FIRRM: variants seen among roughly 807,000 people sequenced by gnomAD.
The protein encoded by FIRRM is FIGNL1-interacting regulator of recombination and mitosis.
At chr1:169,838,942 C>T in the FIRRM span, among the ~76,000 whole-genome samples, 4 of 152,150 alleles carry the variant, frequency 2.6e-5, no homozygotes, top group African/African-American at 9.7e-5. Flanking sequence ...TCTCCTCCCT[C>T]CCCCTACTAG....
At chr1:169,806,615 T>C in the FIRRM span, among the ~76,000 whole-genome samples, 1 of 152,188 alleles carries the variant, frequency 6.6e-6, no homozygotes, top group African/African-American at 2.4e-5. Flanking sequence ...GTAAAAATGG[T>C]TAAGAATATC....
chr1:169,804,082 A>T, the FIRRM span: 2 of 1,465,914 alleles, frequency 1.4e-6, no homozygotes, highest in Non-Finnish European at 1.8e-6. Context: ...CAGAATAGTG[A>T]ATCTGTGTAT....
the FIRRM span, chr1:169,827,072 T>A: frequency 2.5e-6 from 4 of 1,613,286 alleles, no homozygotes; most frequent in Non-Finnish European, 3.4e-6. Flanking sequence ...CAAGCCTTTA[T>A]GCTACCAGGA....
the FIRRM span, chr1:169,849,476 TATA>T: frequency 1.9e-6 from 3 of 1,546,536 alleles, no homozygotes; most frequent in Admixed American, 5.3e-5. Context: ...TTTTCTCTAT[TATA>T]ATAAGGCTTG....
At chr1:169,852,101 A>C in the FIRRM span, 4 of 875,116 alleles carry the variant, frequency 4.6e-6, no homozygotes, top group Admixed American at 8.7e-5. Flanking sequence ...TTTAAAATTA[A>C]GAAGTGGGAC....
At chr1:169,790,302 C>T in the FIRRM span, among the ~76,000 whole-genome samples, 2 of 152,060 alleles carry the variant, frequency 1.3e-5, no homozygotes, top group Admixed American at 1.3e-4. Flanking sequence ...TTCTCTTGTC[C>T]CAGCCTCTCT....
the FIRRM span, among the ~76,000 whole-genome samples, chr1:169,844,761 A>G: frequency 1.1e-4 from 17 of 152,222 alleles, no homozygotes; most frequent in Non-Finnish European, 2.4e-4. Flanking sequence ...TAATTTTGAT[A>G]TAATGTGCCT....
At chr1:169,852,569 C>CAAACT in the FIRRM span, 5 of 556,678 alleles carry the variant, frequency 9.0e-6, no homozygotes, top group African/African-American at 1.9e-5. Flanking sequence ...ATACCACATA[C>CAAACT]AAACTAAGAC....
the FIRRM span, chr1:169,802,724 A>G: frequency 1.3e-6 from 2 of 1,586,672 alleles, no homozygotes; most frequent in South Asian, 1.1e-5. Context: ...AATATTTTAC[A>G]AGTAAGTCAA....
the FIRRM span, among the ~76,000 whole-genome samples, chr1:169,791,863 A>G: frequency 1.3e-5 from 2 of 152,190 alleles, no homozygotes; most frequent in Admixed American, 6.5e-5. Context: ...AAATTTTTGC[A>G]TTTGAATCAA....
the FIRRM span, among the ~76,000 whole-genome samples, chr1:169,787,960 A>G: frequency 6.6e-6 from 1 of 152,232 alleles, no homozygotes; most frequent in Non-Finnish European, 1.5e-5. Context: ...CTAAGCCACA[A>G]GATGACTAAG....
the FIRRM span, chr1:169,794,777 C>T: frequency 4.8e-6 from 1 of 207,432 alleles, no homozygotes. Context: ...CTGGCCCTCA[C>T]CTCCCCATTT....
the FIRRM span, among the ~76,000 whole-genome samples, chr1:169,848,540 A>T: frequency 1.3e-5 from 2 of 152,226 alleles, no homozygotes. Context: ...TTTGAAACCA[A>T]AAATTTAATT....
chr1:169,790,345 C>T, the FIRRM span, among the ~76,000 whole-genome samples: 1 of 152,046 alleles, frequency 6.6e-6, no homozygotes, highest in Non-Finnish European at 1.5e-5. Flanking sequence ...CACCACCACG[C>T]CCACCTAATT....
At chr1:169,848,762 G>C in the FIRRM span, among the ~76,000 whole-genome samples, 2 of 152,172 alleles carry the variant, frequency 1.3e-5, no homozygotes, top group African/African-American at 2.4e-5. Context: ...AACCACTATG[G>C]ACTATGCACG....
At chr1:169,829,186 T>G in the FIRRM span, 1 of 1,259,012 alleles carries the variant, frequency 7.9e-7, no homozygotes. Flanking sequence ...CAACCTTCCA[T>G]GTTACATATT....
At chr1:169,845,761 T>C in the FIRRM span, among the ~76,000 whole-genome samples, 7 of 152,228 alleles carry the variant, frequency 4.6e-5, no homozygotes, top group Non-Finnish European at 7.3e-5. Context: ...TAGCTATTTC[T>C]ACCACATCTG....
At chr1:169,812,249 T>C in the FIRRM span, among the ~76,000 whole-genome samples, 1 of 152,240 alleles carries the variant, frequency 6.6e-6, no homozygotes, top group African/African-American at 2.4e-5. Context: ...ATAAGTTGTG[T>C]GTCACCACTC....
chr1:169,812,677 T>G, the FIRRM span, among the ~76,000 whole-genome samples: 3 of 151,916 alleles, frequency 2.0e-5, no homozygotes, highest in African/African-American at 7.3e-5. Flanking sequence ...GCCAACATGG[T>G]GAAACCCCGT....
Sources: gnomAD v4.1 joint callset for allele counts (sites outside exome capture counted in the v4.1 genomes callset) on GRCh38, gnomAD v4.1.1 for gene constraint, MANE v1.5 for transcripts, NCBI Gene and HGNC (gene_info 2026-07-23, HGNC 2026-07-21) for gene names.